LRRC4C: variants seen among roughly 807,000 people sequenced by gnomAD.
The protein encoded by LRRC4C is leucine rich repeat containing 4C.
Under a neutral mutation model 33.6 loss-of-function variants are expected in LRRC4C, and 5 were observed. The ratio of observed to expected loss-of-function variants is 0.15; its 90% CI spans 0.08 to 0.31. LRRC4C has a LOEUF of 0.31. LRRC4C is among the 10% of genes least tolerant of loss of function. The pLI is 1.00. For synonymous variants in LRRC4C, 329 were observed against 302.0 expected, an observed-to-expected ratio of 1.09 and a Z score of -0.93; for missense variants, 560 against 796.7, an observed-to-expected ratio of 0.70 and a Z score of 3.58.
At chr11:40,545,483 G>A (rs1315122723) in intron 3 of LRRC4C, among the ~76,000 whole-genome samples, 1 of 151,934 alleles carries the variant, frequency 6.6e-6, no homozygotes, top group African/African-American at 2.4e-5. Context: ...GGGGATTAAA[G>A]AGGCAGGAAA....
chr11:40,312,343 ATGATCT>A (rs1945355772), intron 4 of LRRC4C, among the ~76,000 whole-genome samples: 1 of 152,180 alleles, frequency 6.6e-6, no homozygotes, highest in African/African-American at 2.4e-5. Flanking sequence ...TTCCATTTGA[ATGATCT>A]TGAACAAATA....
Position 40,984,893 on chromosome 11 carries a change from C to CTTTTTTTTTTTT in LRRC4C, c.-495-51182_-495-51171dup, listed in dbSNP as rs562785410. ...CACGACAACTCTGTTCTCACTGACA[C>CTTTTTTTTTTTT]TTTTTTTTTTTTTTTTTTTTTTTTT... On this transcript the variant is annotated intron_variant, in intron 1 of 6. Transcript: ENST00000528697. 5.1e-3 allele frequency among the ~76,000 whole-genome samples: 265 copies of CTTTTTTTTTTTT among 52,268 alleles called. 82 individuals carry two copies. The highest frequency in any genetic ancestry group is 8.9e-3 in the African/African-American group (141 of 15,846). The allele number at this position is 52,268 out of a possible 152,430, so 34.3% of individuals were successfully genotyped here. A position where few individuals can be genotyped will look rare whatever the true frequency, so the allele number is the denominator to read the frequency against.
chr11:40,758,665 G>A (rs918086682), intron 2 of LRRC4C, among the ~76,000 whole-genome samples: 1 of 152,014 alleles, frequency 6.6e-6, no homozygotes, highest in Non-Finnish European at 1.5e-5. Flanking sequence ...AAAGGAAGAT[G>A]TAAAAGGTTT....
At chr11:40,168,519 A>G (rs1163908264) in intron 5 of LRRC4C, among the ~76,000 whole-genome samples, 1 of 152,232 alleles carries the variant, frequency 6.6e-6, no homozygotes, top group African/African-American at 2.4e-5. Flanking sequence ...AAAAATCTCC[A>G]CAGTATGCAA....
chr11:40,259,116 G>A (rs535640799), intron 4 of LRRC4C, among the ~76,000 whole-genome samples: 1 of 152,294 alleles, frequency 6.6e-6, no homozygotes, highest in East Asian at 1.9e-4. Flanking sequence ...CTAGTGGAGT[G>A]TTGGGGCCAG....
At chr11:40,607,115 C>A (rs181895688) in intron 3 of LRRC4C, among the ~76,000 whole-genome samples, 4 of 152,268 alleles carry the variant, frequency 2.6e-5, no homozygotes, top group Non-Finnish European at 4.4e-5. Context: ...GGCAAATCAT[C>A]CTTCAAAAAT....
chr11:41,021,189 GA>G, intron 1 of LRRC4C, among the ~76,000 whole-genome samples: 1 of 142,972 alleles, frequency 7.0e-6, no homozygotes, highest in African/African-American at 2.6e-5. Flanking sequence ...GAGAGAGAGA[GA>G]GAGAGAGAGA....
chr11:41,412,083 G>A (rs1347335886), intron 1 of LRRC4C, among the ~76,000 whole-genome samples: 1 of 152,148 alleles, frequency 6.6e-6, no homozygotes, highest in Non-Finnish European at 1.5e-5. Context: ...CGCTCAAGGA[G>A]CCTGCCATAT....
chr11:40,446,149 T>C (rs1352765483), intron 3 of LRRC4C: 3 of 152,232 alleles, frequency 2.0e-5, no homozygotes, highest in Admixed American at 1.3e-4. Flanking sequence ...CTCTCCCATA[T>C]GACTATGATC....
At chr11:40,831,180 A>G (rs753842240) in intron 2 of LRRC4C, among the ~76,000 whole-genome samples, 5 of 152,166 alleles carry the variant, frequency 3.3e-5, no homozygotes, top group South Asian at 2.1e-4. Context: ...CTAAGAAATT[A>G]TTCCTGAATT....
chr11:40,520,465 T>A (rs2135221244), intron 3 of LRRC4C, among the ~76,000 whole-genome samples: 1 of 152,296 alleles, frequency 6.6e-6, no homozygotes, highest in Admixed American at 6.5e-5. Flanking sequence ...ATTTAAATAT[T>A]ATTCTATTTC....
At chr11:41,352,612 C>T (rs546852662) in intron 1 of LRRC4C, among the ~76,000 whole-genome samples, 1 of 152,010 alleles carries the variant, frequency 6.6e-6, no homozygotes, top group African/African-American at 2.4e-5. Flanking sequence ...ATCAAACACA[C>T]TCAGCCATAA....
At chr11:41,423,513 T>A (rs970209493) in intron 1 of LRRC4C, among the ~76,000 whole-genome samples, 1 of 152,078 alleles carries the variant, frequency 6.6e-6, no homozygotes, top group Non-Finnish European at 1.5e-5. Context: ...TGGGGTGTCA[T>A]TTAATGGTTT....
intron 5 of LRRC4C, among the ~76,000 whole-genome samples, chr11:40,189,429 T>C (rs1861655737): frequency 6.6e-6 from 1 of 152,180 alleles, no homozygotes; most frequent in African/African-American, 2.4e-5. Context: ...GCTTTGGTTT[T>C]ATAGTTAGGA....
intron 3 of LRRC4C, among the ~76,000 whole-genome samples, chr11:40,636,849 G>A (rs192825306): frequency 5.6e-4 from 85 of 152,202 alleles, no homozygotes; most frequent in Middle Eastern, 3.4e-3. Context: ...CACTCACTCT[G>A]TCTTCTTTGG....
intron 5 of LRRC4C, among the ~76,000 whole-genome samples, chr11:40,198,366 G>C (rs986391893): frequency 2.6e-5 from 4 of 152,068 alleles, no homozygotes; most frequent in Non-Finnish European, 5.9e-5. Context: ...CTACACACTT[G>C]AATTAGTGGA....
chr11:40,596,815 C>G (rs1959373067), intron 3 of LRRC4C, among the ~76,000 whole-genome samples: 1 of 152,130 alleles, frequency 6.6e-6, no homozygotes, highest in African/African-American at 2.4e-5. Context: ...GCAGAGATGT[C>G]TGCATTCCCA....
intron 2 of LRRC4C, among the ~76,000 whole-genome samples, chr11:40,833,515 A>G (rs1291889319): frequency 6.6e-6 from 1 of 152,154 alleles, no homozygotes; most frequent in South Asian, 2.1e-4. Context: ...TCTGGAGTTC[A>G]TTAGATCCTT....
At chr11:40,888,175 G>C (rs1242660448) in intron 2 of LRRC4C, among the ~76,000 whole-genome samples, 1 of 151,816 alleles carries the variant, frequency 6.6e-6, no homozygotes, top group African/African-American at 2.4e-5. Flanking sequence ...GTAAGTACAT[G>C]AGTTCTTGTT....
Sources: allele counts gnomAD v4.1 joint callset (sites outside exome capture counted in the v4.1 genomes callset), GRCh38; gene constraint gnomAD v4.1.1; transcripts MANE v1.5; gene names NCBI Gene and HGNC (gene_info 2026-07-23, HGNC 2026-07-21).